Variants in SPATA22 observed in about 807,000 individuals in gnomAD.
SPATA22 encodes spermatogenesis-associated protein 22.
A neutral mutation model predicts 47.8 loss-of-function variants in SPATA22; 29 were observed. The ratio of observed to expected loss-of-function variants is 0.61; its 90% CI spans 0.45 to 0.83. The LOEUF (loss-of-function observed/expected upper bound fraction) is 0.83, where lower values mean the gene tolerates loss of function less well. Among genes scored for constraint, SPATA22 ranks in the 40% least tolerant of loss-of-function variants. SPATA22 has a pLI of 0.00. For synonymous variants in SPATA22, 133 were observed against 140.9 expected (o/e 0.94, Z 0.40); for missense variants, 410 against 421.7 (o/e 0.97, Z 0.24).
At chr17:3,499,252 T>A in intron 1 of SPATA22, 1 of 574,368 alleles carries the variant, frequency 1.7e-6, no homozygotes, top group Non-Finnish European at 2.9e-6. Context: ...TTAATATATC[T>A]TTAAAGATAT....
At chr17:3,498,160 C>T (rs1173362476) in intron 1 of SPATA22, among the ~76,000 whole-genome samples, 1 of 152,124 alleles carries the variant, frequency 6.6e-6, no homozygotes, top group African/African-American at 2.4e-5. Context: ...TTTATATTTC[C>T]CAACGGTAGA....
intron 5 of SPATA22, among the ~76,000 whole-genome samples, chr17:3,451,937 A>C (rs1182144207): frequency 6.6e-6 from 1 of 150,442 alleles, no homozygotes; most frequent in Non-Finnish European, 1.5e-5. Context: ...ACAGAGCGAG[A>C]CTCTGTCTCA....
At chr17:3,462,157 C>T (rs1023157810) in intron 5 of SPATA22, among the ~76,000 whole-genome samples, 4 of 152,148 alleles carry the variant, frequency 2.6e-5, no homozygotes, top group African/African-American at 9.7e-5. Flanking sequence ...GATATGATTC[C>T]TGTCTATTGT....
At chr17:3,494,601 C>A in intron 1 of SPATA22, 1 of 727,246 alleles carries the variant, frequency 1.4e-6, no homozygotes, top group Non-Finnish European at 2.4e-6. Flanking sequence ...GGAAGATGTT[C>A]GGACTGTCGC....
chr17:3,491,630 T>A (rs2073825934), intron 1 of SPATA22, among the ~76,000 whole-genome samples: 1 of 151,816 alleles, frequency 6.6e-6, no homozygotes, highest in South Asian at 2.1e-4. Context: ...CGCCTATAAT[T>A]CCAGCTACTC....
At chr17:3,461,273 T>C (rs1262262907) in intron 5 of SPATA22, among the ~76,000 whole-genome samples, 1 of 152,238 alleles carries the variant, frequency 6.6e-6, no homozygotes, top group South Asian at 2.1e-4. Context: ...TAGCCTGGAC[T>C]CTAAACCTGA....
chr17:3,509,923 T>C (rs1388498502), intron 1 of SPATA22, among the ~76,000 whole-genome samples: 1 of 152,174 alleles, frequency 6.6e-6, no homozygotes, highest in African/African-American at 2.4e-5. Context: ...CCAGTGATGA[T>C]GAGCTTTTTT....
chr17:3,478,268 A>C (rs2073566922), intron 1 of SPATA22, among the ~76,000 whole-genome samples: 1 of 152,100 alleles, frequency 6.6e-6, no homozygotes, highest in African/African-American at 2.4e-5. Context: ...ATCAACTCTA[A>C]TTTGAGTTAG....
chr17:3,483,221 T>C (rs552879216), intron 1 of SPATA22, among the ~76,000 whole-genome samples: 1 of 152,242 alleles, frequency 6.6e-6, no homozygotes, highest in Admixed American at 6.5e-5. Context: ...AGAACATTTA[T>C]TTCATGTTTT....
chr17:3,499,136 A>G (rs1193186250), intron 1 of SPATA22: 3 of 1,579,184 alleles, frequency 1.9e-6, no homozygotes, highest in Non-Finnish European at 2.6e-6. Context: ...AAATTCTGCT[A>G]GTCTGTAAGC....
In SPATA22 at chr17:3,446,504, G is replaced by T. The variant is rs1263522795; in HGVS notation, c.770C>A (p.Ala257Glu). ...IESMKYWREH[A>E]QKTVLLFEVL... ...TTCAAAAAGAAGTACAGTTTTCTGT[G>T]CATGTTCACGCCAATACTTCATGCT... The change falls in exon 7 of 9, where the codon GCA (alanine) becomes GAA (glutamate). Residue 257 changes from alanine (A) to glutamate (E), a missense_variant. Physicochemically the swap from Ala to Glu is moderately radical, Grantham distance 107. Coordinates refer to ENST00000572969, the MANE Select transcript of SPATA22 (RefSeq NM_001170698.2). 6.2e-6 allele frequency: 10 copies of T among 1,606,782 alleles called. No homozygotes were observed. Among genetic ancestry groups the T allele is most frequent in the Non-Finnish European group, 6.8e-6 (8 of 1,177,606 alleles).
intron 1 of SPATA22, chr17:3,498,951 A>G (rs1173491692): frequency 6.2e-7 from 1 of 1,613,068 alleles, no homozygotes; most frequent in Non-Finnish European, 8.5e-7. Context: ...TGATGGGAAG[A>G]CGATCCCACT....
At chr17:3,466,082 C>T (rs2073307186) in intron 3 of SPATA22, among the ~76,000 whole-genome samples, 1 of 151,528 alleles carries the variant, frequency 6.6e-6, no homozygotes, top group South Asian at 2.1e-4. Flanking sequence ...ATATGAACTT[C>T]ACACTTAAAT....
chr17:3,484,623 T>C (rs776977817), intron 1 of SPATA22, among the ~76,000 whole-genome samples: 7 of 152,262 alleles, frequency 4.6e-5, no homozygotes, highest in Admixed American at 3.9e-4. Flanking sequence ...CAATCTGCTA[T>C]AGAGCAATAC....
chr17:3,440,393 AT>A, intron 8 of SPATA22, 55 bp from the exon 9 acceptor site: 1 of 1,415,440 alleles, frequency 7.1e-7, no homozygotes, highest in Non-Finnish European at 9.5e-7. Context: ...CTGAATTTCA[AT>A]TTTTTAAATA....
At chr17:3,477,872 T>C (rs1041718022) in intron 1 of SPATA22, among the ~76,000 whole-genome samples, 4 of 152,040 alleles carry the variant, frequency 2.6e-5, no homozygotes, top group African/African-American at 9.7e-5. Context: ...AAGGAGTTGG[T>C]AGACTACTAG....
chr17:3,450,183 G>A (rs1214553060), intron 5 of SPATA22, among the ~76,000 whole-genome samples: 1 of 151,916 alleles, frequency 6.6e-6, no homozygotes, highest in African/African-American at 2.4e-5. Flanking sequence ...TAATTTTCCT[G>A]GAAATACCAC....
rs564633784 is a variant in SPATA22 at position 3,443,556 on chromosome 17, C to T, written c.803-285G>A. On this transcript the variant is annotated intron_variant, in intron 7 of 8. Transcript: ENST00000572969. ...AACTTTTTCCTTAGAATGTGTAGTA[C>T]AGAGTGGTTAAATCCCCAGAACAGT... Among the ~76,000 whole-genome samples the T allele has an allele frequency of 9.9e-5, 15 of 151,942 alleles. No individual in the cohort carries two copies. In the South Asian group the frequency reaches 2.5e-3, roughly 25 times the overall value.
At chr17:3,450,813 T>C (rs1395013986) in intron 5 of SPATA22, among the ~76,000 whole-genome samples, 1 of 152,108 alleles carries the variant, frequency 6.6e-6, no homozygotes, top group African/African-American at 2.4e-5. Flanking sequence ...TCATAACAGA[T>C]ATAATAATAA....
Sources: allele counts gnomAD v4.1 joint callset (sites outside exome capture counted in the v4.1 genomes callset), GRCh38; gene constraint gnomAD v4.1.1; transcripts MANE v1.5; gene names NCBI Gene and HGNC (gene_info 2026-07-23, HGNC 2026-07-21).